Variants in ELOVL5 observed in about 807,000 individuals in gnomAD.
ELOVL5 encodes the protein ELOVL fatty acid elongase 5.
A neutral mutation model predicts 38.6 loss-of-function variants in ELOVL5; 8 were observed. The ratio of observed to expected loss-of-function variants is 0.21; its 90% CI spans 0.12 to 0.37. The LOEUF is 0.37. Among genes scored for constraint, ELOVL5 ranks in the 10% least tolerant of loss-of-function variants. The pLI, the probability that ELOVL5 is intolerant of heterozygous loss-of-function variation, is 1.00. For synonymous variants in ELOVL5, 127 were observed against 133.7 expected (o/e 0.95, Z 0.34); for missense variants, 280 against 367.8 (o/e 0.76, Z 1.95).
rs780282202 is a variant in ELOVL5 at position 53,305,380 on chromosome 6, A to AC, written c.-8-9674dup. Among the ~76,000 whole-genome samples the AC allele has an allele frequency of 8.5e-3, 906 of 106,398 alleles. 19 individuals carry two copies. The highest frequency in any genetic ancestry group is 0.013 in the South Asian group (38 of 2,958). 69.8% of individuals were successfully genotyped at this position (106,398 alleles called of 152,430 possible). A position where few individuals can be genotyped will look rare whatever the true frequency, so the allele number is the denominator to read the frequency against. Reference sequence around the variant, plus strand: ...GGGGCGGCTGGCCTGGCGGGGGCTGACCCCCCCCCACCTCCCTCCCGGGCG... The same window carrying AC: ...GGGGCGGCTGGCCTGGCGGGGGCTGACCCCCCCCCCACCTCCCTCCCGGGCG... On this transcript the variant is annotated intron_variant, in intron 1 of 7. Coordinates refer to ENST00000304434, the MANE Select transcript of ELOVL5 (RefSeq NM_021814.5).
chr6:53,317,968 A>G (rs1768128899), intron 1 of ELOVL5, among the ~76,000 whole-genome samples: 1 of 152,058 alleles, frequency 6.6e-6, no homozygotes, highest in African/African-American at 2.4e-5. Flanking sequence ...TACTCACTCT[A>G]TCCTTACTAT....
At chr6:53,339,572 G>C (rs766964367) in intron 1 of ELOVL5, among the ~76,000 whole-genome samples, 2 of 152,118 alleles carry the variant, frequency 1.3e-5, no homozygotes, top group Non-Finnish European at 2.9e-5. Flanking sequence ...CATATACAAT[G>C]ATACTCCTGT....
chr6:53,344,342 A>C (rs1046264586), intron 1 of ELOVL5, among the ~76,000 whole-genome samples: 3 of 152,098 alleles, frequency 2.0e-5, no homozygotes, highest in Non-Finnish European at 4.4e-5. Flanking sequence ...ACCTCTCTCA[A>C]GTCTGTGCTC....
chr6:53,279,480 T>C (rs1232150113), intron 3 of ELOVL5, among the ~76,000 whole-genome samples: 2 of 152,216 alleles, frequency 1.3e-5, no homozygotes, highest in Non-Finnish European at 2.9e-5. Context: ...TGTGCTCTTC[T>C]GTAAGATTTC....
intron 1 of ELOVL5, among the ~76,000 whole-genome samples, chr6:53,337,673 T>C (rs549652572): frequency 6.6e-6 from 1 of 152,326 alleles, no homozygotes; most frequent in South Asian, 2.1e-4. Flanking sequence ...ACCTACACTA[T>C]GTGCCAGATA....
intron 1 of ELOVL5, among the ~76,000 whole-genome samples, chr6:53,336,207 C>T (rs1769060911): frequency 6.6e-6 from 1 of 152,186 alleles, no homozygotes; most frequent in African/African-American, 2.4e-5. Flanking sequence ...GGTCCACATT[C>T]CTTAGCAGAG....
At chr6:53,330,939 A>G (rs892208152) in intron 1 of ELOVL5, among the ~76,000 whole-genome samples, 4 of 152,210 alleles carry the variant, frequency 2.6e-5, no homozygotes, top group Admixed American at 6.5e-5. Flanking sequence ...TTCAGGGGCA[A>G]TAACATGTGA....
intron 1 of ELOVL5, among the ~76,000 whole-genome samples, chr6:53,298,906 G>C (rs567732084): frequency 1.3e-5 from 2 of 149,344 alleles, no homozygotes; most frequent in South Asian, 2.2e-4. Context: ...AAGGCGGGGG[G>C]GGGGAGTTGA....
chr6:53,293,146 C>A (rs906767166), intron 2 of ELOVL5, among the ~76,000 whole-genome samples: 2 of 152,084 alleles, frequency 1.3e-5, no homozygotes, highest in African/African-American at 2.4e-5. Context: ...GCATGCTCCC[C>A]TTTGAACCCT....
At chr6:53,342,565 A>T (rs1270874378) in intron 1 of ELOVL5, among the ~76,000 whole-genome samples, 1 of 152,234 alleles carries the variant, frequency 6.6e-6, no homozygotes, top group African/African-American at 2.4e-5. Context: ...GTGGAACTTA[A>T]CAGAGATGGA....
At chr6:53,312,116 C>T (rs1225193881) in intron 1 of ELOVL5, among the ~76,000 whole-genome samples, 1 of 152,100 alleles carries the variant, frequency 6.6e-6, no homozygotes, top group Admixed American at 6.5e-5. Context: ...CTTCCGTAAC[C>T]TAGAAGTAAC....
chr6:53,340,850 C>G (rs1769293843), intron 1 of ELOVL5, among the ~76,000 whole-genome samples: 1 of 152,210 alleles, frequency 6.6e-6, no homozygotes, highest in African/African-American at 2.4e-5. Context: ...ACCTGACTTA[C>G]ATTTTCACCC....
intron 1 of ELOVL5, among the ~76,000 whole-genome samples, chr6:53,331,780 T>C (rs1768814299): frequency 6.6e-6 from 1 of 152,208 alleles, no homozygotes; most frequent in Non-Finnish European, 1.5e-5. Context: ...ACACTAAATA[T>C]ATTGTAACTG....
intron 1 of ELOVL5, among the ~76,000 whole-genome samples, chr6:53,328,731 T>C (rs1380034756): frequency 5.3e-5 from 8 of 150,152 alleles, no homozygotes; most frequent in Non-Finnish European, 8.9e-5. Context: ...CTAAATACTG[T>C]AATGTATAGA....
chr6:53,283,730 T>C (rs992666489), intron 3 of ELOVL5, among the ~76,000 whole-genome samples: 2 of 152,130 alleles, frequency 1.3e-5, no homozygotes, highest in African/African-American at 4.8e-5. Flanking sequence ...AAAAAAAGAT[T>C]ACCCTACAAA....
chr6:53,321,004 A>C (rs1768284041), intron 1 of ELOVL5, among the ~76,000 whole-genome samples: 1 of 152,160 alleles, frequency 6.6e-6, no homozygotes, highest in South Asian at 2.1e-4. Context: ...AAAAATAGGG[A>C]AAGAGCAATT....
intron 1 of ELOVL5, among the ~76,000 whole-genome samples, chr6:53,330,954 A>G (rs1462012998): frequency 6.6e-6 from 1 of 152,136 alleles, no homozygotes; most frequent in East Asian, 1.9e-4. Context: ...ATGTGATAAC[A>G]ATGTTTTCTT....
intron 3 of ELOVL5, among the ~76,000 whole-genome samples, chr6:53,279,236 T>A (rs113066553): frequency 1.6e-4 from 24 of 152,190 alleles, no homozygotes; most frequent in Non-Finnish European, 1.9e-4. Context: ...AACATAAGTG[T>A]TGGCAGTGAC....
At chr6:53,288,910 A>G (rs183105420) in intron 3 of ELOVL5, among the ~76,000 whole-genome samples, 287 of 152,272 alleles carry the variant, frequency 1.9e-3, no homozygotes, top group Admixed American at 3.3e-3. Flanking sequence ...TACGAAAAAT[A>G]CAAAACTTAG....
Sources: allele counts gnomAD v4.1 joint callset (sites outside exome capture counted in the v4.1 genomes callset), GRCh38; gene constraint gnomAD v4.1.1; transcripts MANE v1.5; gene names NCBI Gene and HGNC (gene_info 2026-07-23, HGNC 2026-07-21).